KAZN: variants seen among roughly 807,000 people sequenced by gnomAD.
KAZN encodes the protein kazrin, periplakin interacting protein, also known as kazrin.
A neutral mutation model predicts 87.4 loss-of-function variants in KAZN; 40 were observed. The observed-to-expected ratio is 0.46, with a 90% confidence interval of 0.36 to 0.60. The LOEUF is 0.60. KAZN is among the 20% of genes least tolerant of loss of function. The pLI, the probability that KAZN is intolerant of heterozygous loss-of-function variation, is 0.00. For missense variants in KAZN, 898 were observed against 1,073.9 expected, an observed-to-expected ratio of 0.84 and a Z score of 2.29; for synonymous variants, 466 against 458.3, an observed-to-expected ratio of 1.02 and a Z score of -0.22.
intron 1 of KAZN, among the ~76,000 whole-genome samples, chr1:14,801,012 T>A (rs1265889704): frequency 6.7e-6 from 1 of 148,884 alleles, no homozygotes; most frequent in Non-Finnish European, 1.5e-5. Flanking sequence ...TTGTACACTT[T>A]AAAAGGGTGA....
At chr1:14,282,476 G>C (rs1377211688) in intron 2 of KAZN, among the ~76,000 whole-genome samples, 1 of 152,150 alleles carries the variant, frequency 6.6e-6, no homozygotes, top group Non-Finnish European at 1.5e-5. Flanking sequence ...GCTCTGCAAG[G>C]GTGTTAACAT....
chr1:14,172,384 T>C (rs890060041), intron 1 of KAZN, among the ~76,000 whole-genome samples: 4 of 152,128 alleles, frequency 2.6e-5, no homozygotes, highest in Non-Finnish European at 4.4e-5. Flanking sequence ...TTTCTTCATT[T>C]ATTTGTTCTT....
chr1:15,110,465 T>G (rs1423126575), intron 13 of KAZN, among the ~76,000 whole-genome samples: 72 of 142,820 alleles, frequency 5.0e-4, no homozygotes, highest in African/African-American at 1.7e-3. Flanking sequence ...TTGTGTGTGT[T>G]TGTATGTTTG....
At chr1:14,827,506 C>T (rs537981313) in intron 1 of KAZN, among the ~76,000 whole-genome samples, 3 of 152,194 alleles carry the variant, frequency 2.0e-5, no homozygotes, top group South Asian at 4.1e-4. Flanking sequence ...GAACATGCGA[C>T]GTTTGCTTTT....
rs1264738236 is a variant in KAZN at position 15,026,497 on chromosome 1, C to T, written c.419-8252C>T. The stretch of plus-strand genomic sequence containing the variant: ...CACCCTCATTATGCTGGGGGAAAAC[C>T]GAGGCTTAGAGCGGGGGAAAAAAGC... On this transcript the variant is annotated intron_variant, in intron 2 of 14. Coordinates refer to ENST00000376030, the MANE Select transcript of KAZN (RefSeq NM_201628.3). Among the ~76,000 whole-genome samples, 2 of 152,120 alleles carry T rather than the reference C, an allele frequency of 1.3e-5. 1 individual carries two copies. The highest frequency in any genetic ancestry group is 4.8e-5 in the African/African-American group (2 of 41,408).
intron 2 of KAZN, among the ~76,000 whole-genome samples, chr1:14,391,999 G>A (rs1662477993): frequency 6.6e-6 from 1 of 152,144 alleles, no homozygotes; most frequent in Non-Finnish European, 1.5e-5. Context: ...TGACTGGATA[G>A]CTGTGAACTC....
intron 1 of KAZN, among the ~76,000 whole-genome samples, chr1:14,774,897 T>C (rs1407611248): frequency 2.0e-5 from 3 of 152,312 alleles, no homozygotes; most frequent in Non-Finnish European, 4.4e-5. Context: ...CCTGCCATTG[T>C]CCCTTCTCCT....
intron 1 of KAZN, among the ~76,000 whole-genome samples, chr1:14,845,102 C>A (rs978314753): frequency 2.7e-5 from 4 of 150,192 alleles, no homozygotes; most frequent in African/African-American, 9.9e-5. Flanking sequence ...CTGGATGGAA[C>A]AGCTGGATGG....
At chr1:13,961,723 ACCTGACC>A (rs1641761009) in intron 1 of KAZN, among the ~76,000 whole-genome samples, 1 of 152,198 alleles carries the variant, frequency 6.6e-6, no homozygotes, top group Admixed American at 6.5e-5. Flanking sequence ...CAAGGACCAT[ACCTGACC>A]TCACCTTGAG....
chr1:14,507,982 A>AT lies in KAZN; in HGVS notation c.250-91001_250-91000insT, dbSNP rs1180574504. Among the ~76,000 whole-genome samples the AT allele has an allele frequency of 5.4e-3, 818 of 151,676 alleles. 5 individuals are homozygous for AT. Among genetic ancestry groups the AT allele is most frequent in the Non-Finnish European group, 6.6e-3 (448 of 67,936 alleles). On this transcript the variant is annotated intron_variant, in intron 2 of 16. Transcript: ENST00000636203. ...ACTCGGTCTCCAAAAAATAAATAAA[A>AT]AAAAAAAAAATGTGACGTTGCAGTA... is the stretch of plus-strand genomic sequence containing the variant.
chr1:14,431,148 A>G (rs939166319), intron 2 of KAZN, among the ~76,000 whole-genome samples: 3 of 152,250 alleles, frequency 2.0e-5, no homozygotes, highest in Admixed American at 6.5e-5. Flanking sequence ...AATGATAGAC[A>G]AGCATATCTG....
At chr1:14,846,688 CAG>C (rs1385059518) in intron 1 of KAZN, among the ~76,000 whole-genome samples, 3 of 152,172 alleles carry the variant, frequency 2.0e-5, no homozygotes, top group Non-Finnish European at 1.5e-5. Context: ...CCTTGAGAAT[CAG>C]GGGGGAGTTA....
rs182446331 is a variant in KAZN at position 14,398,559 on chromosome 1, A to G, written c.250-200424A>G. Among the ~76,000 whole-genome samples the G allele has an allele frequency of 1.1e-4, 16 of 152,308 alleles. 1 individual carries two copies. The highest frequency in any genetic ancestry group is 7.2e-4 in the Admixed American group (11 of 15,302). The stretch of plus-strand genomic sequence containing the variant: ...AGCAGGCTGCAGGTGAGGTTGGTTG[A>G]TGCCCAGGTGGGATCAGGTCCACTG... On this transcript the variant is annotated intron_variant, in intron 2 of 16. Transcript: ENST00000636203.
chr1:14,700,255 C>T (rs1025565485), intron 1 of KAZN, among the ~76,000 whole-genome samples: 5 of 152,086 alleles, frequency 3.3e-5, no homozygotes, highest in Admixed American at 6.5e-5. Flanking sequence ...TAACTGATCA[C>T]GAGGTCAGGA....
At chr1:14,080,209 A>G (rs1643618374) in intron 1 of KAZN, among the ~76,000 whole-genome samples, 1 of 148,504 alleles carries the variant, frequency 6.7e-6, no homozygotes. Context: ...TCATATGTTC[A>G]TTGGAAATAC....
At chr1:14,236,558 C>T (rs1258701409) in intron 2 of KAZN, among the ~76,000 whole-genome samples, 1 of 152,206 alleles carries the variant, frequency 6.6e-6, no homozygotes, top group Non-Finnish European at 1.5e-5. Context: ...TCTGCTTCAT[C>T]CAGCCCCTTT....
At chr1:13,932,342 G>A (rs2100938549) in intron 1 of KAZN, among the ~76,000 whole-genome samples, 1 of 144,884 alleles carries the variant, frequency 6.9e-6, no homozygotes. Context: ...CTCACTGCAA[G>A]CTCCGCCTCC....
At chr1:13,949,803 C>G (rs1047069569) in intron 1 of KAZN, among the ~76,000 whole-genome samples, 1 of 152,132 alleles carries the variant, frequency 6.6e-6, no homozygotes, top group Non-Finnish European at 1.5e-5. Flanking sequence ...CCCCAAAGCC[C>G]CATTCTCAAC....
intron 1 of KAZN, among the ~76,000 whole-genome samples, chr1:14,941,335 G>A (rs1184781475): frequency 3.3e-5 from 5 of 152,142 alleles, no homozygotes; most frequent in South Asian, 2.1e-4. Flanking sequence ...CATGAGTGGC[G>A]TCCAAGGCCA....
Sources: allele counts gnomAD v4.1 joint callset (sites outside exome capture counted in the v4.1 genomes callset), GRCh38; gene constraint gnomAD v4.1.1; transcripts MANE v1.5; gene names NCBI Gene and HGNC (gene_info 2026-07-23, HGNC 2026-07-21).